Variants in ABCA8 observed in about 807,000 individuals in gnomAD.
ABCA8 encodes the protein ATP binding cassette subfamily A member 8.
Under a neutral mutation model 192.3 loss-of-function variants are expected in ABCA8, and 177 were observed. The observed-to-expected ratio is 0.92, with a 90% CI of 0.81 to 1.04. The LOEUF is 1.04. ABCA8 is among the 50% of genes least tolerant of loss of function. The probability of loss-of-function intolerance (pLI) is 0.00; values close to 1 mark genes in which losing one functional copy is unlikely to be tolerated. For synonymous variants in ABCA8, 642 were observed against 690.2 expected (o/e 0.93, Z 1.09); for missense variants, 1,915 against 1,904.8 (o/e 1.01, Z -0.10).
chr17:68,922,427 G>C (rs749043905), intron 11 of ABCA8, 127 bp from the exon 12 acceptor site: 127 of 623,740 alleles, frequency 2.0e-4, no homozygotes, highest in Non-Finnish European at 3.0e-4. Flanking sequence ...CTCTCACACA[G>C]TCATAGCTGT....
intron 14 of ABCA8, 134 bp from the exon 15 acceptor site, chr17:68,918,680 T>C: frequency 1.2e-6 from 1 of 834,460 alleles, no homozygotes; most frequent in Non-Finnish European, 1.7e-6. Flanking sequence ...ATACCCATAG[T>C]CTCAGCACTT....
intron 21 of ABCA8, among the ~76,000 whole-genome samples, chr17:68,902,101 TCAA>T (rs1272692130): frequency 6.6e-6 from 1 of 152,174 alleles, no homozygotes; most frequent in Non-Finnish European, 1.5e-5. Context: ...AAAATATTAC[TCAA>T]CAATAAAAAT....
chr17:68,906,409 T>C (rs1344107559), intron 18 of ABCA8, among the ~76,000 whole-genome samples: 1 of 152,188 alleles, frequency 6.6e-6, no homozygotes, highest in Admixed American at 6.5e-5. Context: ...TTTGCATTTC[T>C]ATTAAAGTTT....
At position 68,919,333 on chromosome 17, in the gene ABCA8, T is replaced by C. The variant is rs199613232; in HGVS notation, c.1756A>G (p.Lys586Glu). The C allele has an allele frequency of 1.7e-4, 268 of 1,613,138 alleles. 1 individual carries two copies. Among genetic ancestry groups the C allele is most frequent in the Non-Finnish European group, 1.5e-4 (179 of 1,179,642 alleles). The change falls in exon 14 of 40, where the codon AAA becomes GAA. Residue 586 changes from lysine (K) to glutamate (E), a missense_variant. Lys to Glu is a moderately conservative substitution (Grantham distance 56). Coordinates refer to ENST00000586539, the MANE Select transcript of ABCA8 (RefSeq NM_001288985.2). ...RENLRLFAKIKGILPQEVDKE... is the reference protein window; with the variant it reads ...RENLRLFAKIEGILPQEVDKE... ...TCCACTTCTTGTGGCAGAATCCCTT[T>C]TATTTTAGCAAAGAGTCTGAGGTTT...
chr17:68,933,817 A>C (rs1303072056), intron 5 of ABCA8, among the ~76,000 whole-genome samples: 1 of 152,194 alleles, frequency 6.6e-6, no homozygotes, highest in Non-Finnish European at 1.5e-5. Flanking sequence ...AAACTATATT[A>C]AAGAGATATC....
chr17:68,920,746 T>C (rs1481530555), intron 13 of ABCA8, among the ~76,000 whole-genome samples: 1 of 152,168 alleles, frequency 6.6e-6, no homozygotes, highest in African/African-American at 2.4e-5. Flanking sequence ...TTTTACACTG[T>C]TGGTGGGACT....
At chr17:68,885,363 G>T (rs751379797) in intron 26 of ABCA8, 48 bp from the exon 27 acceptor site, 7 of 1,546,218 alleles carry the variant, frequency 4.5e-6, no homozygotes, top group South Asian at 2.5e-5. Context: ...TTCAATGTAA[G>T]TTCCAAATCG....
rs370830810 is a variant in ABCA8 at position 68,887,906 on chromosome 17, A to ATATC, written c.3145-401_3145-400insGATA. Among the ~76,000 whole-genome samples, 11 of 60,884 alleles carry ATATC rather than the reference A, an allele frequency of 1.8e-4. No homozygotes were observed. In the East Asian group the frequency reaches 2.9e-3, roughly 16 times the overall value. The allele number at this position is 60,884 out of a possible 152,430, so 39.9% of individuals were successfully genotyped here. A position where few individuals can be genotyped will look rare whatever the true frequency, so the allele number is the denominator to read the frequency against. On this transcript the variant is annotated intron_variant, in intron 24 of 39. Coordinates refer to ENST00000586539, the MANE Select transcript of ABCA8 (RefSeq NM_001288985.2). ...CATATATATATATATATATATATAT[A>ATATC]TCCATATATATATATATATTATATA...
chr17:68,897,914 T>G (rs776796863), intron 21 of ABCA8, among the ~76,000 whole-genome samples: 3 of 151,800 alleles, frequency 2.0e-5, no homozygotes, highest in Non-Finnish European at 2.9e-5. Context: ...AGGAGAGAGA[T>G]AAAAGAAGAG....
At chr17:68,881,812 G>C in intron 31 of ABCA8, 51 bp downstream of exon 31, 2 of 1,338,802 alleles carry the variant, frequency 1.5e-6, no homozygotes, top group Non-Finnish European at 2.1e-6. Flanking sequence ...TAGGAACCAG[G>C]AACCTCTGAG....
rs190785950 is a variant in ABCA8, at chr17:68,947,544, A to C, written c.-6+1768T>G. On this transcript the variant is annotated intron_variant, in intron 2 of 39. Transcript: ENST00000586539. ...AAGATCTGATCTTAGAAGGCTAGTA[A>C]ACTTGCTGATAAAACCTTATGAGCC... Among the ~76,000 whole-genome samples, 55 of 152,292 alleles carry C rather than the reference A, an allele frequency of 3.6e-4. No homozygotes were observed. In the East Asian group the frequency reaches 6.2e-3, roughly 17 times the overall value.
intron 10 of ABCA8, among the ~76,000 whole-genome samples, chr17:68,926,081 A>G (rs1467147284): frequency 1.3e-5 from 2 of 152,244 alleles, no homozygotes; most frequent in Non-Finnish European, 2.9e-5. Context: ...ATGTAACAAT[A>G]TGTGATATAA....
chr17:68,874,927 G>C (rs890368842), intron 37 of ABCA8, among the ~76,000 whole-genome samples: 2 of 152,150 alleles, frequency 1.3e-5, no homozygotes, highest in African/African-American at 2.4e-5. Context: ...ACTTCATAAA[G>C]ATAATAATCA....
intron 6 of ABCA8, 102 bp from the exon 7 acceptor site, chr17:68,932,616 G>A (rs1172040597): frequency 2.4e-6 from 2 of 840,592 alleles, no homozygotes; most frequent in African/African-American, 1.7e-5. Flanking sequence ...GGCCTATTGG[G>A]ATTTGATACT....
rs148652972 is a variant in ABCA8, at chr17:68,885,673, G to A, written c.3430-358C>T. On this transcript the variant is annotated intron_variant, in intron 26 of 39. Transcript: ENST00000586539. ...AGTGATCTTCCTCCCTCAGACTCCC[G>A]GATAGCTGGGACTACAGGTGCATGC... Among the ~76,000 whole-genome samples the A allele has an allele frequency of 2.8e-3, 431 of 151,850 alleles. 1 individual carries two copies. The highest frequency in any genetic ancestry group is 9.7e-3 in the African/African-American group (402 of 41,378).
intron 24 of ABCA8, among the ~76,000 whole-genome samples, chr17:68,888,134 G>T (rs1364044403): frequency 6.7e-6 from 1 of 148,684 alleles, no homozygotes; most frequent in Non-Finnish European, 1.5e-5. Context: ...CCTTTAATTG[G>T]AATAAAAGAA....
intron 6 of ABCA8, among the ~76,000 whole-genome samples, 182 bp from the exon 7 acceptor site, chr17:68,932,696 A>G (rs2067938763): frequency 6.6e-6 from 1 of 152,132 alleles, no homozygotes; most frequent in South Asian, 2.1e-4. Context: ...ATTTTGAGTT[A>G]CTCACCACTC....
chr17:68,896,517 C>T (rs1264706320), intron 21 of ABCA8, among the ~76,000 whole-genome samples: 1 of 152,146 alleles, frequency 6.6e-6, no homozygotes, highest in Non-Finnish European at 1.5e-5. Flanking sequence ...GATGAAATCT[C>T]GTATCGTCCA....
At chr17:68,885,378 G>GA in intron 26 of ABCA8, 63 bp from the exon 27 acceptor site, 3 of 1,494,692 alleles carry the variant, frequency 2.0e-6, no homozygotes, top group Non-Finnish European at 2.7e-6. Flanking sequence ...AAATCGAGAT[G>GA]GCTCATCTTG....
Sources: gnomAD v4.1 joint callset for allele counts (sites outside exome capture counted in the v4.1 genomes callset) on GRCh38, gnomAD v4.1.1 for gene constraint, MANE v1.5 for transcripts, NCBI Gene and HGNC (gene_info 2026-07-23, HGNC 2026-07-21) for gene names.